Variants in AMPH observed in about 807,000 individuals in gnomAD.
AMPH encodes amphiphysin (Stiff-Mann syndrome with breast cancer 128kD autoantigen).
A neutral mutation model predicts 99.1 loss-of-function variants in AMPH; 49 were observed. The ratio of observed to expected loss-of-function variants is 0.49; its 90% CI spans 0.39 to 0.63. The LOEUF is 0.63. Ranked by LOEUF, AMPH falls within the 20% of genes least tolerant of loss-of-function variation. AMPH has a pLI of 0.00. For missense variants in AMPH, 759 were observed against 863.4 expected (o/e 0.88, Z 1.52); for synonymous variants, 314 against 317.3 (o/e 0.99, Z 0.11).
At chr7:38,384,946 T>G (rs1280326767) in intron 20 of AMPH, 21 bp from the exon 21 acceptor site, 4 of 1,606,438 alleles carry the variant, frequency 2.5e-6, no homozygotes, top group Non-Finnish European at 3.4e-6. Flanking sequence ...ATGACAGAAC[T>G]TTCAGGGTCC....
intron 1 of AMPH, among the ~76,000 whole-genome samples, chr7:38,565,577 T>C (rs547495979): frequency 3.3e-5 from 5 of 152,304 alleles, no homozygotes; most frequent in Admixed American, 2.0e-4. Context: ...TTAGTGCCCA[T>C]CCTAATGACC....
chr7:38,530,558 T>C (rs2129038517), intron 2 of AMPH, among the ~76,000 whole-genome samples: 1 of 152,346 alleles, frequency 6.6e-6, no homozygotes, highest in East Asian at 1.9e-4. Context: ...CACTAAAATG[T>C]GTCCAAATAG....
chr7:38,543,390 A>T (rs1341841357), intron 1 of AMPH, among the ~76,000 whole-genome samples: 1 of 152,222 alleles, frequency 6.6e-6, no homozygotes, highest in African/African-American at 2.4e-5. Flanking sequence ...TAAGGCAAGA[A>T]GGGGCTGCTT....
At chr7:38,477,616 T>C (rs1788134217) in intron 5 of AMPH, among the ~76,000 whole-genome samples, 3 of 152,164 alleles carry the variant, frequency 2.0e-5, no homozygotes, top group Non-Finnish European at 4.4e-5. Flanking sequence ...GCAGTGTGGA[T>C]GAGAATGAGG....
At chr7:38,409,502 C>T (rs1246379575) in intron 17 of AMPH, among the ~76,000 whole-genome samples, 2 of 152,188 alleles carry the variant, frequency 1.3e-5, no homozygotes, top group Non-Finnish European at 2.9e-5. Context: ...GGCAAGCTCT[C>T]TCATGGTACC....
At chr7:38,573,451 T>C (rs1025671036) in intron 1 of AMPH, among the ~76,000 whole-genome samples, 1 of 152,192 alleles carries the variant, frequency 6.6e-6, no homozygotes. Context: ...ACAACCAAAA[T>C]ATAACATGAA....
chr7:38,512,956 AGAG>A (rs1267037480), intron 2 of AMPH, among the ~76,000 whole-genome samples: 2 of 152,184 alleles, frequency 1.3e-5, no homozygotes, highest in African/African-American at 4.8e-5. Context: ...CAGTGAGGAA[AGAG>A]GAGATTTATT....
chr7:38,466,548 T>C (rs1787660508), intron 7 of AMPH, among the ~76,000 whole-genome samples: 1 of 151,754 alleles, frequency 6.6e-6, no homozygotes, highest in Non-Finnish European at 1.5e-5. Context: ...TCTGATCTAG[T>C]AGGTCTGAAC....
intron 1 of AMPH, among the ~76,000 whole-genome samples, chr7:38,593,683 C>T (rs1220849552): frequency 2.0e-5 from 3 of 152,202 alleles, no homozygotes; most frequent in South Asian, 2.1e-4. Flanking sequence ...ATGGGGCACC[C>T]ACTGAAATGC....
At chr7:38,479,408 G>T (rs1396334114) in intron 5 of AMPH, among the ~76,000 whole-genome samples, 2 of 151,938 alleles carry the variant, frequency 1.3e-5, no homozygotes, top group African/African-American at 4.8e-5. Flanking sequence ...GGAATTCATT[G>T]CCAGCATAAG....
At chr7:38,575,156 G>A (rs1254567596) in intron 1 of AMPH, among the ~76,000 whole-genome samples, 3 of 150,904 alleles carry the variant, frequency 2.0e-5, no homozygotes, top group Non-Finnish European at 4.4e-5. Context: ...TTTCAAACAT[G>A]AACAAATACG....
rs376129620 is a variant in AMPH at position 38,389,570 on chromosome 7, C to T, written c.1980+234G>A. On this transcript the variant is annotated intron_variant, in intron 20 of 20. Coordinates refer to ENST00000356264, the MANE Select transcript of AMPH (RefSeq NM_001635.4). ...AGATAACATTCCCAGAAAGTGGTTA[C>T]GTGATAAGAAACAGTCAACTGTTTG... 2.0e-4 allele frequency among the ~76,000 whole-genome samples: 30 copies of T among 152,154 alleles called. 2 individuals are homozygous for T. The highest frequency in any genetic ancestry group is 2.1e-4 in the South Asian group (1 of 4,812).
chr7:38,627,961 C>A (rs1268682869), intron 1 of AMPH, among the ~76,000 whole-genome samples: 5 of 152,220 alleles, frequency 3.3e-5, no homozygotes, highest in African/African-American at 1.2e-4. Context: ...AGAAACCAGA[C>A]AAAACCAACC....
At chr7:38,588,030 C>A (rs961109954) in intron 1 of AMPH, among the ~76,000 whole-genome samples, 10 of 151,850 alleles carry the variant, frequency 6.6e-5, no homozygotes, top group Non-Finnish European at 1.3e-4. Context: ...CGGTTCACTG[C>A]AGCCTCGACC....
intron 1 of AMPH, among the ~76,000 whole-genome samples, chr7:38,583,798 G>C (rs1386991682): frequency 1.3e-5 from 2 of 152,230 alleles, no homozygotes; most frequent in African/African-American, 2.4e-5. Flanking sequence ...GGCAGAGTGA[G>C]GGGGGCCAGA....
intron 17 of AMPH, among the ~76,000 whole-genome samples, chr7:38,404,439 G>C (rs990083471): frequency 6.6e-6 from 1 of 152,100 alleles, no homozygotes; most frequent in Non-Finnish European, 1.5e-5. Flanking sequence ...CCCCACAGAA[G>C]ACAGTGTATC....
intron 1 of AMPH, among the ~76,000 whole-genome samples, chr7:38,592,607 T>A (rs940097304): frequency 3.9e-5 from 6 of 151,988 alleles, no homozygotes; most frequent in Non-Finnish European, 8.8e-5. Context: ...GGTGGGCACC[T>A]GTAGTCCCAG....
chr7:38,393,600 T>C (rs1784579357), intron 18 of AMPH, among the ~76,000 whole-genome samples: 1 of 152,168 alleles, frequency 6.6e-6, no homozygotes, highest in African/African-American at 2.4e-5. Flanking sequence ...ATGATAATAA[T>C]AACCACCAAA....
intron 2 of AMPH, among the ~76,000 whole-genome samples, chr7:38,534,576 G>A (rs1447152128): frequency 6.6e-6 from 1 of 152,190 alleles, no homozygotes; most frequent in Non-Finnish European, 1.5e-5. Flanking sequence ...TTGGGAGGCT[G>A]AGGTGGGAGG....
Sources: allele counts gnomAD v4.1 joint callset (sites outside exome capture counted in the v4.1 genomes callset), GRCh38; gene constraint gnomAD v4.1.1; transcripts MANE v1.5; gene names NCBI Gene and HGNC (gene_info 2026-07-23, HGNC 2026-07-21).